Variants in EYS observed in about 807,000 individuals in gnomAD.
The protein encoded by EYS is protein eyes shut homolog.
In EYS, 250 loss-of-function variants were observed where a neutral mutation model predicts 282.1. The ratio of observed to expected loss-of-function variants is 0.89; its 90% CI spans 0.80 to 0.98. EYS has a LOEUF of 0.98. EYS is among the 50% of genes least tolerant of loss of function. The pLI is 0.00. For missense variants in EYS, 4,016 were observed against 3,709.0 expected (o/e 1.08, Z -2.15); for synonymous variants, 1,355 against 1,282.9 (o/e 1.06, Z -1.20).
intron 35 of EYS, among the ~76,000 whole-genome samples, chr6:63,922,929 G>A (rs776262659): frequency 3.3e-5 from 5 of 152,144 alleles, no homozygotes; most frequent in South Asian, 4.1e-4. Flanking sequence ...AAATACTGAC[G>A]TTGTGACTTT....
intron 2 of EYS, among the ~76,000 whole-genome samples, chr6:65,548,418 A>G (rs912590085): frequency 6.6e-6 from 1 of 152,198 alleles, no homozygotes; most frequent in Non-Finnish European, 1.5e-5. Flanking sequence ...CAAAGCTTTT[A>G]ATAACTGAAT....
At chr6:64,123,511 C>T (rs1001146512) in intron 31 of EYS, among the ~76,000 whole-genome samples, 1 of 152,178 alleles carries the variant, frequency 6.6e-6, no homozygotes, top group African/African-American at 2.4e-5. Context: ...AAGACTGCAG[C>T]ACAGGAGGTG....
intron 28 of EYS, among the ~76,000 whole-genome samples, chr6:64,391,239 A>G (rs550269118): frequency 6.6e-6 from 1 of 151,654 alleles, no homozygotes; most frequent in Non-Finnish European, 1.5e-5. Context: ...AATCTAGCAA[A>G]GCAGGCCAAC....
rs963595309 is a variant in EYS, at chr6:64,627,436, T to C, written c.3444-1191A>G. 2.0e-5 allele frequency among the ~76,000 whole-genome samples: 3 copies of C among 152,058 alleles called. No homozygotes were observed. In the South Asian group the frequency reaches 6.2e-4, roughly 31 times the overall value. ...GGTGATGCTGATGAAAAAGGATAAA[T>C]TAAATAAATAGAAATTAGATCATTA... On this transcript the variant is annotated intron_variant, in intron 22 of 42. Transcript: ENST00000503581.
At chr6:64,347,782 C>A (rs1582634924) in intron 29 of EYS, among the ~76,000 whole-genome samples, 2 of 151,252 alleles carry the variant, frequency 1.3e-5, no homozygotes, top group Non-Finnish European at 3.0e-5. Flanking sequence ...TCCTTATCTA[C>A]CCCTTTCCTA....
At chr6:64,617,224 A>G (rs1420520891) in intron 24 of EYS, among the ~76,000 whole-genome samples, 194 bp downstream of exon 24, 7 of 152,126 alleles carry the variant, frequency 4.6e-5, no homozygotes, top group Admixed American at 1.3e-4. Context: ...GAAAGAAAGG[A>G]CTGAGGGTGC....
intron 41 of EYS, among the ~76,000 whole-genome samples, chr6:63,760,669 TATCTATC>T (rs1562013399): frequency 2.0e-5 from 3 of 149,734 alleles, no homozygotes; most frequent in African/African-American, 7.5e-5. Flanking sequence ...TCTATCTATC[TATCTATC>T]TATCTATCTA....
At chr6:63,878,765 A>T (rs1176995522) in intron 35 of EYS, among the ~76,000 whole-genome samples, 1 of 152,008 alleles carries the variant, frequency 6.6e-6, no homozygotes, top group East Asian at 1.9e-4. Context: ...TGGGTGTGGG[A>T]CCCTCTGAGC....
intron 19 of EYS, among the ~76,000 whole-genome samples, chr6:64,881,213 T>G (rs2150059986): frequency 6.6e-6 from 1 of 151,928 alleles, no homozygotes; most frequent in Non-Finnish European, 1.5e-5. Flanking sequence ...TATCATCATT[T>G]TTTTGACATT....
At chr6:64,106,338 C>A (rs932453268) in intron 31 of EYS, among the ~76,000 whole-genome samples, 1 of 150,962 alleles carries the variant, frequency 6.6e-6, no homozygotes, top group Non-Finnish European at 1.5e-5. Context: ...TTTTTGTTTG[C>A]CTGAAAAAAA....
At chr6:65,407,121 A>T (rs571382097) in intron 5 of EYS, among the ~76,000 whole-genome samples, 1 of 152,270 alleles carries the variant, frequency 6.6e-6, no homozygotes, top group East Asian at 1.9e-4. Context: ...TTCTTTGGCT[A>T]TTCTTGCATT....
intron 2 of EYS, among the ~76,000 whole-genome samples, chr6:65,526,068 G>C (rs993543522): frequency 2.0e-5 from 3 of 152,174 alleles, no homozygotes; most frequent in African/African-American, 7.2e-5. Flanking sequence ...CGTATCTGGT[G>C]AGAGCCGTGT....
At chr6:64,482,033 C>G (rs2150500023) in intron 26 of EYS, among the ~76,000 whole-genome samples, 1 of 151,816 alleles carries the variant, frequency 6.6e-6, no homozygotes, top group East Asian at 1.9e-4. Flanking sequence ...TAACTCAGCC[C>G]TATTCTAATG....
chr6:64,963,464 T>C (rs1329892581), intron 14 of EYS, among the ~76,000 whole-genome samples: 1 of 152,178 alleles, frequency 6.6e-6, no homozygotes, highest in Non-Finnish European at 1.5e-5. Flanking sequence ...GATGTTAAGA[T>C]AATCCAACGA....
chr6:63,990,663 T>G (rs1278844530), intron 34 of EYS, among the ~76,000 whole-genome samples: 1 of 151,668 alleles, frequency 6.6e-6, no homozygotes, highest in Non-Finnish European at 1.5e-5. Context: ...AATTCTCACC[T>G]TCCAGTTTCT....
chr6:64,109,694 T>C (rs1241548041), intron 31 of EYS, among the ~76,000 whole-genome samples: 1 of 151,990 alleles, frequency 6.6e-6, no homozygotes, highest in Non-Finnish European at 1.5e-5. Context: ...CCTAAAAAGG[T>C]TCAGTAGTAC....
At position 64,973,720 on chromosome 6, in the gene EYS, C is replaced by G. The variant is rs983552979; in HGVS notation, c.2259+23862G>C. Among the ~76,000 whole-genome samples, 87 of 151,982 alleles carry G rather than the reference C, an allele frequency of 5.7e-4. 1 individual carries two copies. Among genetic ancestry groups the G allele is most frequent in the African/African-American group, 2.1e-3 (87 of 41,526 alleles). On this transcript the variant is annotated intron_variant, in intron 14 of 42. Transcript: ENST00000503581. ...AAGTCTTTCCTAAGTCTTAAAGACT[C>G]AAAGTGTAAACTGCAGTATAATTGT...
chr6:65,571,079 A>G (rs998006997), intron 2 of EYS, among the ~76,000 whole-genome samples: 12 of 151,856 alleles, frequency 7.9e-5, no homozygotes, highest in African/African-American at 2.7e-4. Context: ...ATTATACTTT[A>G]GAAAAACAAT....
At chr6:65,425,872 G>A (rs1302739439) in intron 5 of EYS, among the ~76,000 whole-genome samples, 2 of 152,068 alleles carry the variant, frequency 1.3e-5, no homozygotes, top group Non-Finnish European at 2.9e-5. Flanking sequence ...AGTGATGGCA[G>A]AAATTTTAGG....
Sources: allele counts gnomAD v4.1 joint callset (sites outside exome capture counted in the v4.1 genomes callset), GRCh38; gene constraint gnomAD v4.1.1; transcripts MANE v1.5; gene names NCBI Gene and HGNC (gene_info 2026-07-23, HGNC 2026-07-21).